The following HIPK2 variants were observed in gnomAD, a reference collection of about 807,000 sequenced individuals.
HIPK2 encodes the protein homeodomain-interacting protein kinase 2.
Under a neutral mutation model 113.7 loss-of-function variants are expected in HIPK2, and 27 were observed. The observed-to-expected ratio is 0.24, with a 90% confidence interval of 0.17 to 0.33. The LOEUF (loss-of-function observed/expected upper bound fraction) is 0.33. Ranked by LOEUF, HIPK2 falls within the 10% of genes least tolerant of loss-of-function variation. HIPK2 has a pLI of 1.00. For missense variants in HIPK2, 1,257 were observed against 1,588.0 expected (o/e 0.79, Z 3.54); for synonymous variants, 631 against 642.2 (o/e 0.98, Z 0.26).
intron 13 of HIPK2, among the ~76,000 whole-genome samples, chr7:139,578,229 CG>C (rs1304261812): frequency 2.0e-5 from 3 of 152,060 alleles, no homozygotes; most frequent in African/African-American, 4.8e-5. Context: ...AGGCTGGTCT[CG>C]AATTCCTGAC....
At position 139,631,404 on chromosome 7, in the gene HIPK2, AC is replaced by A; in HGVS notation, c.1228-121del. The A allele has an allele frequency of 6.9e-7, 1 of 1,452,084 alleles. No individual in the cohort carries two copies. The highest frequency in any genetic ancestry group is 1.4e-5 in the South Asian group (1 of 70,386). 89.9% of individuals were successfully genotyped at this position (1,452,084 alleles called of 1,614,324 possible). A position where few individuals can be genotyped will look rare whatever the true frequency, so the allele number is the denominator to read the frequency against. ...ACAATTTTTGTAGGGAAAGAAGTTA[AC>A]AAAAAAGAGAAAAAAGAAAAAGGGA... On this transcript the variant is annotated intron_variant, in intron 3 of 14. Coordinates refer to ENST00000406875, the MANE Select transcript of HIPK2 (RefSeq NM_022740.5). This position sits in a 1 kb window ranked among gnomAD's most constrained non-coding sequence, Gnocchi z 4.9.
chr7:139,692,569 T>A (rs1398844542), intron 2 of HIPK2, among the ~76,000 whole-genome samples: 1 of 152,202 alleles, frequency 6.6e-6, no homozygotes, highest in African/African-American at 2.4e-5. Flanking sequence ...ATCTGTAGAA[T>A]TTGGGGTGGG....
At chr7:139,598,623 C>T (rs1799305938) in intron 11 of HIPK2, among the ~76,000 whole-genome samples, 1 of 152,186 alleles carries the variant, frequency 6.6e-6, no homozygotes. Flanking sequence ...ATACCTTTCA[C>T]TATAATTATA....
intron 1 of HIPK2, among the ~76,000 whole-genome samples, chr7:139,747,025 G>T (rs1052383342): frequency 1.3e-5 from 2 of 152,188 alleles, no homozygotes; most frequent in African/African-American, 4.8e-5. Context: ...AGCCAAAGCC[G>T]CTGGTGATAC....
At chr7:139,624,860 G>A (rs1800371750) in intron 6 of HIPK2, among the ~76,000 whole-genome samples, 1 of 152,194 alleles carries the variant, frequency 6.6e-6, no homozygotes, top group Admixed American at 6.5e-5. Context: ...CACCTGGGGA[G>A]ATGAGTTACA....
rs1311277607 is a variant in HIPK2 at position 139,570,666 on chromosome 7, T to C, written c.*2261A>G. The stretch of plus-strand genomic sequence containing the variant: ...GTAACGACTTCGTTACTGAGTTAGG[T>C]TGGATATCACTACAAACACACCTTT... On this transcript the variant is annotated 3_prime_UTR_variant, in exon 15 of 15. Coordinates refer to ENST00000406875, the MANE Select transcript of HIPK2 (RefSeq NM_022740.5). 6.6e-6 allele frequency: 1 copy of C among 152,310 alleles called. No homozygotes were observed. Among genetic ancestry groups the C allele is most frequent in the Non-Finnish European group, 1.5e-5 (1 of 68,032 alleles). The allele number at this position is 152,310 out of a possible 1,614,324, so 9.4% of individuals were successfully genotyped here. A position where few individuals can be genotyped will look rare whatever the true frequency, so the allele number is the denominator to read the frequency against.
At chr7:139,690,206 A>G (rs1794359089) in intron 2 of HIPK2, among the ~76,000 whole-genome samples, 1 of 152,134 alleles carries the variant, frequency 6.6e-6, no homozygotes, top group South Asian at 2.1e-4. Context: ...GTCAGTGTAA[A>G]GGGGTGGTGA....
intron 2 of HIPK2, among the ~76,000 whole-genome samples, chr7:139,636,166 G>A (rs986673868): frequency 1.3e-5 from 2 of 151,960 alleles, no homozygotes; most frequent in East Asian, 1.9e-4. Flanking sequence ...TTTTTCACGC[G>A]GGTGATCATT....
intron 2 of HIPK2, among the ~76,000 whole-genome samples, chr7:139,645,330 G>A (rs1341595960): frequency 6.6e-6 from 1 of 152,226 alleles, no homozygotes; most frequent in African/African-American, 2.4e-5. Flanking sequence ...TACATTCAGT[G>A]TCACCAGCCG....
At chr7:139,710,190 C>G (rs527980981) in intron 2 of HIPK2, among the ~76,000 whole-genome samples, 1 of 152,328 alleles carries the variant, frequency 6.6e-6, no homozygotes, top group African/African-American at 2.4e-5. Flanking sequence ...CCAAGCCCCT[C>G]AAGCCTGTAT....
intron 1 of HIPK2, among the ~76,000 whole-genome samples, chr7:139,773,429 G>A (rs541004931): frequency 2.2e-4 from 33 of 152,236 alleles, no homozygotes; most frequent in Admixed American, 1.6e-3. Context: ...CCATTATTCT[G>A]AAGCCCGTCT....
intron 1 of HIPK2, among the ~76,000 whole-genome samples, chr7:139,730,310 C>G (rs953649827): frequency 6.6e-5 from 10 of 151,994 alleles, no homozygotes; most frequent in African/African-American, 1.9e-4. Context: ...GAAATCTACT[C>G]TATTCTTTCC....
chr7:139,671,492 C>A (rs1293228197), intron 2 of HIPK2, among the ~76,000 whole-genome samples: 1 of 152,142 alleles, frequency 6.6e-6, no homozygotes, highest in Non-Finnish European at 1.5e-5. Flanking sequence ...TGATTAAGAA[C>A]TGTTTATCTG....
intron 1 of HIPK2, among the ~76,000 whole-genome samples, chr7:139,736,391 G>A (rs1795939460): frequency 6.6e-6 from 1 of 152,196 alleles, no homozygotes; most frequent in East Asian, 1.9e-4. Flanking sequence ...CCCTGAAGAA[G>A]CATTCACCAG....
In HIPK2 at chr7:139,584,003, A is replaced by G; in HGVS notation, c.2779T>C (p.Ser927Pro). 6.2e-7 allele frequency: 1 copy of G among 1,613,458 alleles called. No individual in the cohort carries two copies. The highest frequency in any genetic ancestry group is 1.3e-5 in the African/African-American group (1 of 75,028). Residue 927 changes from serine to proline, a missense_variant, in exon 13 of 15, where the codon TCC becomes CCC. Ser to Pro is a moderately conservative substitution (Grantham distance 74). Coordinates refer to ENST00000406875, the MANE Select transcript of HIPK2 (RefSeq NM_022740.5). ...SCVTVHDSPY[S>P]DSSSNTSPYS... Reference sequence around the variant, plus strand: ...GGGCTGGTGTTGCTGGAGGAGTCGGAGTAGGGGGAGTCGTGGACTGTGACA... The same window carrying G: ...GGGCTGGTGTTGCTGGAGGAGTCGGGGTAGGGGGAGTCGTGGACTGTGACA...
At chr7:139,629,398 T>C (rs1292595581) in intron 4 of HIPK2, among the ~76,000 whole-genome samples, 1 of 152,258 alleles carries the variant, frequency 6.6e-6, no homozygotes, top group African/African-American at 2.4e-5. Flanking sequence ...TCCCATGCAT[T>C]TTCCAATTTT....
intron 1 of HIPK2, among the ~76,000 whole-genome samples, chr7:139,719,943 A>G (rs779690618): frequency 2.4e-4 from 37 of 152,276 alleles, no homozygotes; most frequent in Non-Finnish European, 3.7e-4. Context: ...AACATCTCTG[A>G]GCATGCCACT....
At chr7:139,670,247 T>C (rs1289506055) in intron 2 of HIPK2, among the ~76,000 whole-genome samples, 3 of 152,154 alleles carry the variant, frequency 2.0e-5, no homozygotes, top group Admixed American at 6.5e-5. Flanking sequence ...ATCTGCATTC[T>C]GAATTGAGAT....
intron 2 of HIPK2, among the ~76,000 whole-genome samples, chr7:139,680,728 G>A (rs1403931555): frequency 2.0e-5 from 3 of 152,244 alleles, no homozygotes; most frequent in Non-Finnish European, 4.4e-5. Context: ...TGTGCTTCCT[G>A]AATTTCCCAA....
Sources: gnomAD v4.1 joint callset for allele counts (sites outside exome capture counted in the v4.1 genomes callset) on GRCh38, gnomAD v4.1.1 for gene constraint, Gnocchi (gnomAD v3.1) non-coding constraint, MANE v1.5 for transcripts, NCBI Gene and HGNC (gene_info 2026-07-23, HGNC 2026-07-21) for gene names.